Variants in ZZZ3 observed in about 807,000 individuals in gnomAD.
ZZZ3 encodes ZZ-type zinc finger-containing protein 3.
Under a neutral mutation model 95.2 loss-of-function variants are expected in ZZZ3, and 22 were observed. That is an observed-to-expected ratio of 0.23 (90% CI 0.17 to 0.33). The LOEUF is 0.33. Among genes scored for constraint, ZZZ3 ranks in the 10% least tolerant of loss-of-function variants. The pLI is 1.00. For synonymous variants in ZZZ3, 335 were observed against 358.9 expected (o/e 0.93, Z 0.75); for missense variants, 885 against 1,066.5 (o/e 0.83, Z 2.37).
At chr1:77,636,154 C>T (rs2100870868) in intron 4 of ZZZ3, among the ~76,000 whole-genome samples, 1 of 152,152 alleles carries the variant, frequency 6.6e-6, no homozygotes, top group African/African-American at 2.4e-5. Context: ...AAAAATAATA[C>T]TGACAATAGA....
Position 77,639,586 on chromosome 1 carries a change from G to A in ZZZ3, c.-189C>T. On this transcript the variant is annotated 5_prime_UTR_variant, in exon 4 of 15. Transcript: ENST00000370801. ...TCAGCTTCAGCCATGAAGAATACTA[G>A]AACCTCCTAAATTTTTCTTTAAAAT... 1.6e-6 allele frequency: 1 copy of A among 629,590 alleles called. No individual in the cohort carries two copies. Among genetic ancestry groups the A allele is most frequent in the South Asian group, 5.2e-5 (1 of 19,256 alleles). 39.0% of individuals were successfully genotyped at this position (629,590 alleles called of 1,614,324 possible). A position where few individuals can be genotyped will look rare whatever the true frequency, so the allele number is the denominator to read the frequency against.
At position 77,565,389 on chromosome 1, in the gene ZZZ3, A is replaced by G; in HGVS notation, c.*251T>C. ...TCTCGTTCCATCTCACCCATTTAAG[A>G]TCACCACCTAAAACGCAGTGGTGAA... On this transcript the variant is annotated 3_prime_UTR_variant, in exon 15 of 15. Transcript: ENST00000370801. The G allele has an allele frequency of 2.6e-6, 1 of 389,894 alleles. No individual in the cohort carries two copies. Among genetic ancestry groups the G allele is most frequent in the Non-Finnish European group, 4.6e-6 (1 of 219,580 alleles). 24.2% of individuals were successfully genotyped at this position (389,894 alleles called of 1,614,324 possible).
intron 5 of ZZZ3, among the ~76,000 whole-genome samples, chr1:77,589,913 A>T (rs974643502): frequency 4.6e-5 from 7 of 152,208 alleles, no homozygotes; most frequent in Non-Finnish European, 7.4e-5. Flanking sequence ...GAATCTTTTT[A>T]AAAAAACTAG....
At position 77,582,020 on chromosome 1, in the gene ZZZ3, C is replaced by A; in HGVS notation, c.1751G>T (p.Arg584Leu). The A allele has an allele frequency of 6.2e-7, 1 of 1,610,060 alleles. No individual in the cohort carries two copies. Among genetic ancestry groups the A allele is most frequent in the Non-Finnish European group, 8.5e-7 (1 of 1,176,834 alleles). ...CTTAACTCTTCTAGTATGTCTTTTA[C>A]GATTTTTAAATTCTCTTTCAAAATT... is the stretch of plus-strand genomic sequence containing the variant. ...LGNFEREFKNRKRHTRRVKLV... is the reference protein window; with the variant it reads ...LGNFEREFKNLKRHTRRVKLV... The change falls in exon 7 of 15, where the codon CGT (arginine) becomes CTT (leucine). Residue 584 changes from arginine to leucine, a missense_variant. By Grantham distance (102) the Arg-to-Leu change is moderately radical. Coordinates refer to ENST00000370801, the MANE Select transcript of ZZZ3 (RefSeq NM_015534.6).
chr1:77,620,430 T>C (rs1265065375), intron 5 of ZZZ3, among the ~76,000 whole-genome samples: 1 of 146,266 alleles, frequency 6.8e-6, no homozygotes, highest in African/African-American at 2.5e-5. Flanking sequence ...TGTTAAGTAA[T>C]CCAGAAAAGA....
Position 77,632,975 on chromosome 1 carries a change from G to C in ZZZ3, c.380C>G (p.Ala127Gly), listed in dbSNP as rs1229387454. 2 of 1,613,940 alleles carry C rather than the reference G, an allele frequency of 1.2e-6. No homozygotes were observed. The highest frequency in any genetic ancestry group is 2.7e-5 in the African/African-American group (2 of 74,920). Reference sequence around the variant, plus strand: ...AGAATCTTCTTCTGAACTGTTTGGTGCTTCAGATCTAAGACAACGCTTAAT... The same window carrying C: ...AGAATCTTCTTCTGAACTGTTTGGTCCTTCAGATCTAAGACAACGCTTAAT... Reference protein sequence around the residue: ...KRIKRCLRSEAPNSSEEDSPI... With the variant: ...KRIKRCLRSEGPNSSEEDSPI... Residue 127 changes from alanine (A) to glycine (G), a missense_variant, in exon 5 of 15, where the codon GCA (alanine) becomes GGA (glycine). Around this residue, in one of 5 missense-constraint regions of ZZZ3, gnomAD observed 556 missense variants for 652.9 expected, o/e 0.85. Coordinates refer to ENST00000370801, the MANE Select transcript of ZZZ3 (RefSeq NM_015534.6).
intron 9 of ZZZ3, 124 bp downstream of exon 9, chr1:77,580,874 T>C: frequency 1.3e-6 from 1 of 776,722 alleles, no homozygotes. Flanking sequence ...GATCCACCCA[T>C]ATCAGCCTCC....
At position 77,581,818 on chromosome 1, in the gene ZZZ3, C is replaced by T. The variant is rs36003200; in HGVS notation, c.1866G>A (p.Leu622=). The change falls in exon 8 of 15, where the codon TTG becomes TTA. Residue 622 remains leucine (L), a synonymous_variant. Coordinates refer to ENST00000370801, the MANE Select transcript of ZZZ3 (RefSeq NM_015534.6). ...KDGESLSYSM[L]PLSDGPEGSS... The stretch of plus-strand genomic sequence containing the variant: ...AGCCTTCTGGACCATCACTCAAAGG[C>T]AACATAGAATATGAAAGGGACTCTC... 25,317 of 1,613,850 alleles carry T rather than the reference C, an allele frequency of 0.016. 255 individuals carry two copies. The highest frequency in any genetic ancestry group is 0.019 in the Non-Finnish European group (22,573 of 1,179,804).
chr1:77,671,047 A>AC (rs1476517357), intron 1 of ZZZ3, among the ~76,000 whole-genome samples: 1 of 151,196 alleles, frequency 6.6e-6, no homozygotes, highest in African/African-American at 2.4e-5. Context: ...AAAAAAAAAA[A>AC]CTTCTGTGAG....
At chr1:77,675,760 A>C (rs1476144458) in intron 1 of ZZZ3, among the ~76,000 whole-genome samples, 1 of 152,242 alleles carries the variant, frequency 6.6e-6, no homozygotes, top group East Asian at 1.9e-4. Flanking sequence ...TTCAAAATGT[A>C]AACAAACATA....
chr1:77,642,756 A>T (rs1277095771), intron 1 of ZZZ3, among the ~76,000 whole-genome samples: 1 of 152,152 alleles, frequency 6.6e-6, no homozygotes, highest in East Asian at 1.9e-4. Context: ...TATCTCAAAA[A>T]CAAAATTTTT....
chr1:77,589,516 C>T (rs866812078), intron 5 of ZZZ3, among the ~76,000 whole-genome samples: 6 of 151,856 alleles, frequency 4.0e-5, no homozygotes, highest in Middle Eastern at 6.8e-3. Context: ...TAGCTCACTG[C>T]GGCCTCAAAC....
intron 5 of ZZZ3, among the ~76,000 whole-genome samples, chr1:77,600,317 C>A (rs1031814056): frequency 1.3e-5 from 2 of 152,038 alleles, no homozygotes; most frequent in Non-Finnish European, 2.9e-5. Context: ...CCTGAAGAAC[C>A]AGCAAGATTT....
chr1:77,578,893 T>A (rs759915955), intron 10 of ZZZ3, 24 bp from the exon 11 acceptor site: 1 of 1,458,730 alleles, frequency 6.9e-7, no homozygotes, highest in South Asian at 1.4e-5. Context: ...ACAAGTCTCT[T>A]AACACAATGA....
intron 13 of ZZZ3, among the ~76,000 whole-genome samples, chr1:77,567,584 A>G (rs1660949919): frequency 6.6e-6 from 1 of 152,182 alleles, no homozygotes; most frequent in Non-Finnish European, 1.5e-5. Context: ...AGCAGCCTCT[A>G]ACTACTCTCT....
chr1:77,638,110 G>C (rs1668456577), intron 4 of ZZZ3, among the ~76,000 whole-genome samples: 1 of 152,136 alleles, frequency 6.6e-6, no homozygotes, highest in African/African-American at 2.4e-5. Flanking sequence ...AGAGAAAAAA[G>C]AGTGTGGTCA....
At chr1:77,658,515 C>CTTTTTTTT (rs111821277) in intron 1 of ZZZ3, among the ~76,000 whole-genome samples, 1 of 131,788 alleles carries the variant, frequency 7.6e-6, no homozygotes, top group Non-Finnish European at 1.7e-5. Flanking sequence ...CACATCCTGG[C>CTTTTTTTT]TTTTTTTTTT....
intron 13 of ZZZ3, among the ~76,000 whole-genome samples, chr1:77,568,056 C>A (rs532331210): frequency 6.6e-6 from 1 of 152,184 alleles, no homozygotes; most frequent in South Asian, 2.1e-4. Context: ...TCTCTTATCA[C>A]CCTTTTAAAA....
intron 5 of ZZZ3, among the ~76,000 whole-genome samples, chr1:77,598,609 G>A (rs991795399): frequency 6.6e-6 from 1 of 152,106 alleles, no homozygotes; most frequent in African/African-American, 2.4e-5. Context: ...GATCCCGTCT[G>A]ATTAATTTAA....
Sources: gnomAD v4.1 joint callset for allele counts (sites outside exome capture counted in the v4.1 genomes callset) on GRCh38, gnomAD v4.1.1 for gene constraint, gnomAD v4.1.1 regional missense constraint, MANE v1.5 for transcripts, NCBI Gene and HGNC (gene_info 2026-07-23, HGNC 2026-07-21) for gene names.